Variants in KCNG3 observed in about 807,000 individuals in gnomAD.
KCNG3 encodes the protein potassium voltage-gated channel modifier subfamily G member 3, also known as voltage-gated potassium channel regulatory subunit KCNG3.
KCNG3 carries 15 observed loss-of-function variants against 29.0 expected under a neutral mutation model. That is an observed-to-expected ratio of 0.52 (90% confidence interval 0.35 to 0.80). KCNG3 has a LOEUF of 0.80. Ranked by LOEUF, KCNG3 falls within the 30% of genes least tolerant of loss-of-function variation. KCNG3 has a pLI of 0.01. For synonymous variants in KCNG3, 322 were observed against 248.9 expected, an observed-to-expected ratio of 1.29 and a Z score of -2.76; for missense variants, 512 against 605.7, an observed-to-expected ratio of 0.85 and a Z score of 1.62.
At chr2:42,433,141 G>A in the KCNG3 span, among the ~76,000 whole-genome samples, 6 of 152,162 alleles carry the variant, frequency 3.9e-5, no homozygotes, top group South Asian at 6.2e-4. Flanking sequence ...GTTCTAACTG[G>A]GGCAATTAGA....
In KCNG3 at chr2:42,493,106, C is replaced by G. The variant is rs532335153; in HGVS notation, c.396G>C (p.Pro132=). ...DTYTFYSADE[P]GVLGRDEARP... ...GCGCCTCGTCGCGGCCCAGCACGCC[C>G]GGCTCGTCGGCCGAGTAGAAGGTGT... Residue 132 remains proline (P), a synonymous_variant, in exon 1 of 2, where the codon CCG becomes CCC. Coordinates refer to ENST00000306078, the MANE Select transcript of KCNG3 (RefSeq NM_133329.6). 1.0e-5 allele frequency: 16 copies of G among 1,588,946 alleles called. No homozygotes were observed. In the South Asian group the frequency reaches 1.6e-4, roughly 16 times the overall value.
rs1446256802 is a variant in KCNG3 at position 42,442,703 on chromosome 2, A to C, written c.*1231T>G. On this transcript the variant is annotated 3_prime_UTR_variant, in exon 2 of 2. Transcript: ENST00000306078. ...TTATGGTAACTGGTTGAAAAAGCAAAATTCTAATTTCTGTTGCTAAAATTT... is the reference window on the plus strand; with the variant it reads ...TTATGGTAACTGGTTGAAAAAGCAACATTCTAATTTCTGTTGCTAAAATTT... The C allele has an allele frequency of 2.0e-5, 3 of 152,198 alleles. No homozygotes were observed. Among genetic ancestry groups the C allele is most frequent in the African/African-American group, 4.8e-5 (2 of 41,442 alleles). 9.4% of individuals were successfully genotyped at this position (152,198 alleles called of 1,614,324 possible).
intron 1 of KCNG3, among the ~76,000 whole-genome samples, chr2:42,492,096 A>C (rs1394439563): frequency 6.6e-6 from 1 of 152,224 alleles, no homozygotes; most frequent in East Asian, 1.9e-4. Flanking sequence ...GTAGAAAAAA[A>C]AATTTACCCA....
At chr2:42,424,797 T>C in the KCNG3 span, 2 of 152,078 alleles carry the variant, frequency 1.3e-5, no homozygotes, top group Admixed American at 1.3e-4. Flanking sequence ...GCAACAACTT[T>C]AATAGCAATA....
At chr2:42,431,031 A>C in the KCNG3 span, among the ~76,000 whole-genome samples, 1 of 151,030 alleles carries the variant, frequency 6.6e-6, no homozygotes, top group Admixed American at 6.6e-5. Context: ...ACTTGAACCC[A>C]GGAGGCAGAG....
the KCNG3 span, among the ~76,000 whole-genome samples, chr2:42,397,070 A>C: frequency 0.63 from 94,961 of 151,724 alleles, 30,382 homozygotes; most frequent in East Asian, 0.77. Context: ...CATGGCGAAA[A>C]CCTGTCTCTA....
At chr2:42,477,793 C>T (rs1461282176) in intron 1 of KCNG3, among the ~76,000 whole-genome samples, 2 of 151,830 alleles carry the variant, frequency 1.3e-5, no homozygotes, top group East Asian at 3.9e-4. Flanking sequence ...GCCAGAGAAT[C>T]GTTTGAACCC....
At chr2:42,445,539 C>A (rs1672576600) in intron 1 of KCNG3, among the ~76,000 whole-genome samples, 1 of 152,184 alleles carries the variant, frequency 6.6e-6, no homozygotes, top group South Asian at 2.1e-4. Flanking sequence ...AGGACTCCCA[C>A]ATTGGAGCAA....
chr2:42,436,436 T>G, the KCNG3 span, among the ~76,000 whole-genome samples: 3 of 152,224 alleles, frequency 2.0e-5, no homozygotes, highest in Non-Finnish European at 4.4e-5. Context: ...CCATATTTAT[T>G]TAGTTCCATT....
At position 42,492,839 on chromosome 2, in the gene KCNG3, G is replaced by A. The variant is rs1673933660; in HGVS notation, c.663C>T (p.Ser221=). 1 of 1,494,540 alleles carries A rather than the reference G, an allele frequency of 6.7e-7. No homozygotes were observed. Among genetic ancestry groups the A allele is most frequent in the Non-Finnish European group, 8.9e-7 (1 of 1,125,554 alleles). The allele number at this position is 1,494,540 out of a possible 1,614,324, so 92.6% of individuals were successfully genotyped here. Residue 221 remains serine, a splice_region_variant and synonymous_variant, in exon 1 of 2, where the codon TCC becomes TCT. Coordinates refer to ENST00000306078, the MANE Select transcript of KCNG3 (RefSeq NM_133329.6). Reference sequence around the variant, plus strand: ...GGTAGAGAAGCAGTGCGTCCTACCCGGAGGGCTCCCTCCCAGGGCCGGCGG... The same window carrying A: ...GGTAGAGAAGCAGTGCGTCCTACCCAGAGGGCTCCCTCCCAGGGCCGGCGG... The part of the protein sequence containing the change: ...RYSAGPGREP[S]GIIEAICIGW...
At chr2:42,399,319 G>A in the KCNG3 span, among the ~76,000 whole-genome samples, 19,463 of 151,926 alleles carry the variant, frequency 0.13, 1,402 homozygotes, top group South Asian at 0.26. Flanking sequence ...TCAGCCTCTC[G>A]AAGTGCTGGG....
At chr2:42,479,912 T>A (rs1673539909) in intron 1 of KCNG3, among the ~76,000 whole-genome samples, 1 of 152,156 alleles carries the variant, frequency 6.6e-6, no homozygotes, top group Non-Finnish European at 1.5e-5. Context: ...CTCAGGAGGC[T>A]GAGGCACAAG....
downstream of KCNG3, among the ~76,000 whole-genome samples, chr2:42,441,732 C>CTATATG (rs1553325839): frequency 3.1e-4 from 39 of 124,636 alleles, no homozygotes; most frequent in Non-Finnish European, 5.1e-4. Context: ...ACACATATCC[C>CTATATG]TATATATAAA....
In KCNG3 at chr2:42,493,193, C is replaced by G; in HGVS notation, c.309G>C (p.Leu103=). ...SFYNEMIYWG[L]EGAHLEYCCQ... Reference sequence around the variant, plus strand: ...AGCAGTACTCGAGGTGCGCGCCCTCCAGGCCCCAGTAGATCATCTCGTTGT... The same window carrying G: ...AGCAGTACTCGAGGTGCGCGCCCTCGAGGCCCCAGTAGATCATCTCGTTGT... The change falls in exon 1 of 2, where the codon CTG becomes CTC. Residue 103 remains leucine (L), a synonymous_variant. Transcript: ENST00000306078. 3.7e-6 allele frequency: 6 copies of G among 1,610,456 alleles called. No homozygotes were observed. The highest frequency in any genetic ancestry group is 5.1e-6 in the Non-Finnish European group (6 of 1,179,862).
intron 1 of KCNG3, among the ~76,000 whole-genome samples, chr2:42,490,352 G>C (rs1022990103): frequency 6.6e-6 from 1 of 152,084 alleles, no homozygotes; most frequent in Non-Finnish European, 1.5e-5. Context: ...GACACGGGTG[G>C]ATCACCTGAG....
At chr2:42,441,615 A>G (rs545571552), downstream of KCNG3, among the ~76,000 whole-genome samples, 3 of 151,848 alleles carry the variant, frequency 2.0e-5, no homozygotes, top group Non-Finnish European at 4.4e-5. Flanking sequence ...AATCGGTCCT[A>G]TGGAAAGTCT....
At chr2:42,491,430 C>G (rs1673874788) in intron 1 of KCNG3, among the ~76,000 whole-genome samples, 2 of 151,960 alleles carry the variant, frequency 1.3e-5, no homozygotes, top group African/African-American at 4.8e-5. Flanking sequence ...TAGCTCAAAC[C>G]TTCACTAACC....
the KCNG3 span, among the ~76,000 whole-genome samples, chr2:42,392,819 C>G: frequency 6.6e-6 from 1 of 151,892 alleles, no homozygotes; most frequent in Non-Finnish European, 1.5e-5. Flanking sequence ...TCCTGGGGAT[C>G]CTTTCCTGAG....
intron 1 of KCNG3, among the ~76,000 whole-genome samples, chr2:42,467,915 G>A (rs1673183982): frequency 6.6e-6 from 1 of 150,422 alleles, no homozygotes; most frequent in South Asian, 2.1e-4. Context: ...AGGCTGCAGT[G>A]AGCCATTATC....
Sources: allele counts gnomAD v4.1 joint callset (sites outside exome capture counted in the v4.1 genomes callset), GRCh38; gene constraint gnomAD v4.1.1; transcripts MANE v1.5; gene names NCBI Gene and HGNC (gene_info 2026-07-23, HGNC 2026-07-21).